TG: variants seen among roughly 807,000 people sequenced by gnomAD.
TG encodes the protein thyroglobulin, also known as thyroid hormones.
In TG, 270 loss-of-function variants were observed where a neutral mutation model predicts 324.7. The observed-to-expected ratio is 0.83, with a 90% CI of 0.75 to 0.92. The LOEUF (loss-of-function observed/expected upper bound fraction) is 0.92. Ranked by LOEUF, TG falls within the 40% of genes least tolerant of loss-of-function variation. The probability of loss-of-function intolerance (pLI) is 0.00; values close to 1 mark genes in which losing one functional copy is unlikely to be tolerated. For missense variants in TG, 3,591 were observed against 3,456.4 expected, an observed-to-expected ratio of 1.04 and a Z score of -0.98; for synonymous variants, 1,401 against 1,327.0, an observed-to-expected ratio of 1.06 and a Z score of -1.21.
At chr8:133,112,922 G>A (rs1850381052) in intron 43 of TG, among the ~76,000 whole-genome samples, 1 of 152,150 alleles carries the variant, frequency 6.6e-6, no homozygotes, top group Non-Finnish European at 1.5e-5. Context: ...GCTGGCCCTG[G>A]TGAAGCGTAA....
At chr8:133,042,932 G>T (rs1006257807) in intron 41 of TG, among the ~76,000 whole-genome samples, 11 of 151,498 alleles carry the variant, frequency 7.3e-5, no homozygotes, top group Admixed American at 1.3e-4. Context: ...GACCTCAGGC[G>T]ATCCGCCCAC....
In TG at chr8:132,957,766, C is replaced by CACACACACAG. The variant is rs1554680119; in HGVS notation, c.5402-3233_5402-3232insGACACACACA. On this transcript the variant is annotated intron_variant, in intron 27 of 47. Transcript: ENST00000220616. ...CTACACACACACACACACACACACA[C>CACACACACAG]ACACACACACACACACACGTATGTA... 5.0e-3 allele frequency among the ~76,000 whole-genome samples: 732 copies of CACACACACAG among 145,382 alleles called. 11 individuals are homozygous for CACACACACAG. Among genetic ancestry groups the CACACACACAG allele is most frequent in the South Asian group, 0.015 (66 of 4,480 alleles).
At chr8:133,106,302 G>A in intron 43 of TG, 1 of 626,154 alleles carries the variant, frequency 1.6e-6, no homozygotes, top group Non-Finnish European at 2.0e-6. Context: ...GGGCCAGGGG[G>A]AAGCAGCGCT....
At chr8:133,108,284 C>A (rs1849993493) in intron 43 of TG, among the ~76,000 whole-genome samples, 1 of 152,090 alleles carries the variant, frequency 6.6e-6, no homozygotes, top group Non-Finnish European at 1.5e-5. Context: ...CCACGCCCGG[C>A]CTGGGGACCA....
At chr8:132,897,314 T>C (rs1259836721) in intron 11 of TG, among the ~76,000 whole-genome samples, 1 of 152,046 alleles carries the variant, frequency 6.6e-6, no homozygotes, top group African/African-American at 2.4e-5. Flanking sequence ...GCCTCACACA[T>C]AACATATGAG....
At chr8:133,125,419 T>A (rs1851440654) in intron 45 of TG, among the ~76,000 whole-genome samples, 1 of 151,936 alleles carries the variant, frequency 6.6e-6, no homozygotes, top group South Asian at 2.1e-4. Flanking sequence ...AAGTGGGAAA[T>A]CCCAAAAGAA....
intron 41 of TG, among the ~76,000 whole-genome samples, chr8:133,067,350 A>G (rs1335721654): frequency 6.6e-6 from 1 of 152,112 alleles, no homozygotes; most frequent in Non-Finnish European, 1.5e-5. Context: ...GGGCTGCGGC[A>G]TACCAGGGGC....
intron 41 of TG, among the ~76,000 whole-genome samples, chr8:133,070,604 A>G (rs1843853878): frequency 6.6e-6 from 1 of 152,232 alleles, no homozygotes; most frequent in Non-Finnish European, 1.5e-5. Flanking sequence ...TAATTTGCTC[A>G]GAGTTACAAG....
chr8:132,927,802 C>T (rs1180446894), intron 22 of TG, among the ~76,000 whole-genome samples: 2 of 152,194 alleles, frequency 1.3e-5, no homozygotes, highest in African/African-American at 4.8e-5. Context: ...TGGTCTGTAC[C>T]AATCAAGACT....
rs190943345 is a variant in TG at position 133,082,113 on chromosome 8, G to A, written c.7240-12931G>A. ...GACAAAGTCTTCCCATGTATGTGGT[G>A]TATGGTGTAGGGTGTACGGTGCTGG... is the stretch of plus-strand genomic sequence containing the variant. On this transcript the variant is annotated intron_variant, in intron 41 of 47. Coordinates refer to ENST00000220616, the MANE Select transcript of TG (RefSeq NM_003235.5). 5.3e-5 allele frequency among the ~76,000 whole-genome samples: 8 copies of A among 152,328 alleles called. No homozygotes were observed. In the East Asian group the frequency reaches 1.3e-3, roughly 26 times the overall value.
At chr8:133,002,136 C>G (rs559756206) in intron 35 of TG, 1 of 985,226 alleles carries the variant, frequency 1.0e-6, no homozygotes, top group Non-Finnish European at 1.2e-6. Context: ...ACATTCTGCC[C>G]TTGGATCTGA....
chr8:133,115,369 A>T (rs1296424676), intron 44 of TG, among the ~76,000 whole-genome samples: 1 of 151,980 alleles, frequency 6.6e-6, no homozygotes. Flanking sequence ...GATGCTTCCC[A>T]TAGGTTTGAT....
At chr8:132,879,118 A>G (rs1231625352) in intron 5 of TG, among the ~76,000 whole-genome samples, 1 of 152,238 alleles carries the variant, frequency 6.6e-6, no homozygotes, top group Non-Finnish European at 1.5e-5. Flanking sequence ...GCTAATTATT[A>G]TTTTGGAGAA....
At chr8:132,896,600 G>A (rs1429205432) in intron 11 of TG, among the ~76,000 whole-genome samples, 1 of 152,204 alleles carries the variant, frequency 6.6e-6, no homozygotes, top group African/African-American at 2.4e-5. Flanking sequence ...TAGGAGGAGG[G>A]TGGTGGTTGT....
intron 41 of TG, among the ~76,000 whole-genome samples, chr8:133,067,901 AG>A (rs1843308622): frequency 1.9e-5 from 1 of 53,938 alleles, no homozygotes; most frequent in South Asian, 4.3e-4. Context: ...TATGGAAGGA[AG>A]GAAGGAAGGA....
At chr8:133,002,673 C>T (rs1466249852) in intron 35 of TG, 8 of 231,478 alleles carry the variant, frequency 3.5e-5, no homozygotes, top group African/African-American at 1.4e-4. Context: ...TCACACAGTG[C>T]GCTTCTCTGC....
At chr8:132,995,428 T>A in intron 35 of TG, 1 of 985,282 alleles carries the variant, frequency 1.0e-6, no homozygotes, top group Non-Finnish European at 1.2e-6. Flanking sequence ...GGCAGCTGTG[T>A]GAGCTTGGGC....
chr8:133,059,294 A>G (rs1020341292), intron 41 of TG: 28 of 368,632 alleles, frequency 7.6e-5, no homozygotes, highest in Non-Finnish European at 1.5e-4. Flanking sequence ...CCCTTTCCCA[A>G]GACCCCACAA....
intron 24 of TG, 61 bp from the exon 25 acceptor site, chr8:132,935,695 G>A (rs1823481502): frequency 2.0e-6 from 3 of 1,468,000 alleles, no homozygotes; most frequent in Non-Finnish European, 2.9e-6. Flanking sequence ...TTGGATGAAT[G>A]TTTGTTGGAT....
Sources: allele counts gnomAD v4.1 joint callset (sites outside exome capture counted in the v4.1 genomes callset), GRCh38; gene constraint gnomAD v4.1.1; transcripts MANE v1.5; gene names NCBI Gene and HGNC (gene_info 2026-07-23, HGNC 2026-07-21).